Variants in PIK3C3 observed in about 807,000 individuals in gnomAD.
PIK3C3 encodes PI3-kinase type 3.
A neutral mutation model predicts 126.1 loss-of-function variants in PIK3C3; 95 were observed. That is an observed-to-expected ratio of 0.75 (90% CI 0.64 to 0.89). The LOEUF (loss-of-function observed/expected upper bound fraction) is 0.89, where lower values mean the gene tolerates loss of function less well. Ranked by LOEUF, PIK3C3 falls within the 40% of genes least tolerant of loss-of-function variation. PIK3C3 has a pLI of 0.00. For synonymous variants in PIK3C3, 374 were observed against 360.0 expected (o/e 1.04, Z -0.44); for missense variants, 829 against 1,063.2 (o/e 0.78, Z 3.06).
rs187888169 is a variant in PIK3C3, at chr18:42,030,864, A to G, written c.1707+1423A>G. Among the ~76,000 whole-genome samples, 4 of 152,202 alleles carry G rather than the reference A, an allele frequency of 2.6e-5. No individual in the cohort carries two copies. The East Asian group carries it at 7.7e-4, about 29-fold the overall frequency. On this transcript the variant is annotated intron_variant, in intron 15 of 24. Coordinates refer to ENST00000262039, the MANE Select transcript of PIK3C3 (RefSeq NM_002647.4). Reference sequence around the variant, plus strand: ...TTGTTTTAGTGCCAGGAGCTCTTCAATTTAGCAGGCACAGGAACCTTGGCA... The same window carrying G: ...TTGTTTTAGTGCCAGGAGCTCTTCAGTTTAGCAGGCACAGGAACCTTGGCA...
At chr18:42,057,368 T>C (rs1985117399) in intron 21 of PIK3C3, among the ~76,000 whole-genome samples, 1 of 152,146 alleles carries the variant, frequency 6.6e-6, no homozygotes, top group Non-Finnish European at 1.5e-5. Flanking sequence ...GGTGATATAT[T>C]ATTGTAACTA....
intron 12 of PIK3C3, 24 bp from the exon 13 acceptor site, chr18:42,020,614 A>G: frequency 2.0e-6 from 3 of 1,508,084 alleles, no homozygotes; most frequent in Non-Finnish European, 2.7e-6. Flanking sequence ...ATAATATATA[A>G]TACATTTCTT....
chr18:41,972,568 C>G (rs953110352), intron 4 of PIK3C3, among the ~76,000 whole-genome samples: 1 of 152,028 alleles, frequency 6.6e-6, no homozygotes, highest in Admixed American at 6.6e-5. Flanking sequence ...TTCTTTCATC[C>G]CTAATAGAAT....
chr18:41,994,373 C>CT lies in PIK3C3; in HGVS notation c.786+1033dup, dbSNP rs140979980. Among the ~76,000 whole-genome samples the CT allele has an allele frequency of 3.3e-3, 502 of 152,180 alleles. 4 individuals are homozygous for CT. Among genetic ancestry groups the CT allele is most frequent in the African/African-American group, 0.012 (478 of 41,528 alleles). Reference sequence around the variant, plus strand: ...ACACTTTTGATATTCAGAGCACACACTAAGTATGAAGAAATTCAGTTCAGC... The same window carrying CT: ...ACACTTTTGATATTCAGAGCACACACTTAAGTATGAAGAAATTCAGTTCAGC... On this transcript the variant is annotated intron_variant, in intron 7 of 24. Coordinates refer to ENST00000262039, the MANE Select transcript of PIK3C3 (RefSeq NM_002647.4).
Position 42,083,819 on chromosome 18 carries a change from G to GT in PIK3C3, c.*2684dup, listed in dbSNP as rs1010333768. On this transcript the variant is annotated 3_prime_UTR_variant, in exon 25 of 25. Coordinates refer to ENST00000262039, the MANE Select transcript of PIK3C3 (RefSeq NM_002647.4). ...GAGCAGAGTTGGGATTTGAAGTCGAGTTAGACCCCAGTGATCACAGTCTTG... is the reference window on the plus strand; with the variant it reads ...GAGCAGAGTTGGGATTTGAAGTCGAGTTTAGACCCCAGTGATCACAGTCTTG... 122 of 152,304 alleles carry GT rather than the reference G, an allele frequency of 8.0e-4. No individual in the cohort carries two copies. Among genetic ancestry groups the GT allele is most frequent in the African/African-American group, 2.6e-3 (108 of 41,544 alleles). 9.4% of individuals were successfully genotyped at this position (152,304 alleles called of 1,614,324 possible).
chr18:41,989,328 G>A (rs137949322), intron 5 of PIK3C3, among the ~76,000 whole-genome samples: 2 of 152,164 alleles, frequency 1.3e-5, no homozygotes, highest in African/African-American at 2.4e-5. Context: ...ACCTCCCAAC[G>A]TGCTAGGATT....
At chr18:41,961,969 A>G (rs1029417319) in intron 2 of PIK3C3, among the ~76,000 whole-genome samples, 1 of 152,214 alleles carries the variant, frequency 6.6e-6, no homozygotes. Flanking sequence ...AAATTCTCGC[A>G]TAAGAAGTCA....
intron 15 of PIK3C3, among the ~76,000 whole-genome samples, chr18:42,032,507 G>A (rs746275756): frequency 1.3e-5 from 2 of 152,068 alleles, no homozygotes; most frequent in Non-Finnish European, 2.9e-5. Flanking sequence ...CAATCAGGAG[G>A]CTATTGCAGT....
rs1984020883 is a variant in PIK3C3 at position 42,035,722 on chromosome 18, A to G, written c.1839+1765A>G. The stretch of plus-strand genomic sequence containing the variant: ...ATGAAAGTGATGGATTATGCACTTC[A>G]GAAAATTGCCCGTATGCTTACACAT... On this transcript the variant is annotated intron_variant, in intron 16 of 24. Transcript: ENST00000262039. 2.0e-5 allele frequency among the ~76,000 whole-genome samples: 3 copies of G among 152,198 alleles called. No individual in the cohort carries two copies. The South Asian group carries it at 6.2e-4, about 32-fold the overall frequency.
rs57593886 is a variant in PIK3C3 at position 42,029,534 on chromosome 18, A to ATTTT, written c.1707+118_1707+121dup. The ATTTT allele has an allele frequency of 1.4e-4, 30 of 212,720 alleles. 1 individual carries two copies. The highest frequency in any genetic ancestry group is 1.7e-4 in the Non-Finnish European group (19 of 110,728). 13.2% of individuals were successfully genotyped at this position (212,720 alleles called of 1,614,324 possible). A position where few individuals can be genotyped will look rare whatever the true frequency, so the allele number is the denominator to read the frequency against. On this transcript the variant is annotated intron_variant, in intron 15 of 24. Coordinates refer to ENST00000262039, the MANE Select transcript of PIK3C3 (RefSeq NM_002647.4). ...ATTGTCTTTTTGGGTTGATACGTGA[A>ATTTT]TTTTTTTTTTTTTTTTTTTTTTTTT...
At chr18:42,066,358 A>G (rs765384799) in intron 23 of PIK3C3, among the ~76,000 whole-genome samples, 1 of 152,152 alleles carries the variant, frequency 6.6e-6, no homozygotes, top group Non-Finnish European at 1.5e-5. Context: ...GCTTTCTAGT[A>G]GTGAAACCCT....
rs150530362 is a variant in PIK3C3 at position 42,058,613 on chromosome 18, C to T, written c.2432+562C>T. On this transcript the variant is annotated intron_variant, in intron 22 of 24. Coordinates refer to ENST00000262039, the MANE Select transcript of PIK3C3 (RefSeq NM_002647.4). ...GGTAAATGTTAAATATGATTTTTAT[C>T]TCTTTTTAACACCTCATCAGTCATT... Among the ~76,000 whole-genome samples the T allele has an allele frequency of 2.7e-3, 409 of 152,272 alleles. 1 individual carries two copies. Among genetic ancestry groups the T allele is most frequent in the Non-Finnish European group, 4.5e-3 (307 of 68,012 alleles).
At chr18:42,060,495 G>A (rs1985267413) in intron 22 of PIK3C3, among the ~76,000 whole-genome samples, 1 of 152,078 alleles carries the variant, frequency 6.6e-6, no homozygotes. Context: ...TACCAGCTGG[G>A]CACGGTGACT....
At chr18:41,958,242 A>G (rs1979893112) in intron 2 of PIK3C3, among the ~76,000 whole-genome samples, 1 of 152,206 alleles carries the variant, frequency 6.6e-6, no homozygotes, top group South Asian at 2.1e-4. Flanking sequence ...CATTAGCAAG[A>G]CCTTGTCAAG....
intron 2 of PIK3C3, among the ~76,000 whole-genome samples, chr18:41,959,376 C>T (rs756056828): frequency 2.4e-4 from 37 of 152,086 alleles, no homozygotes; most frequent in Non-Finnish European, 4.9e-4. Context: ...TAAAAACTTC[C>T]ATGTTTGATC....
intron 12 of PIK3C3, among the ~76,000 whole-genome samples, chr18:42,017,556 A>ATGG (rs1459564007): frequency 1.3e-5 from 2 of 152,094 alleles, no homozygotes; most frequent in African/African-American, 4.8e-5. Flanking sequence ...CCCCTGTATG[A>ATGG]TGGTAGAATT....
chr18:41,979,374 G>A (rs1034815842), intron 4 of PIK3C3, among the ~76,000 whole-genome samples: 7 of 152,084 alleles, frequency 4.6e-5, no homozygotes, highest in East Asian at 1.9e-4. Context: ...CATTTTTCCC[G>A]CTAGAGATGT....
At chr18:42,048,429 A>G (rs1232363638) in intron 20 of PIK3C3, among the ~76,000 whole-genome samples, 1 of 152,192 alleles carries the variant, frequency 6.6e-6, no homozygotes, top group Non-Finnish European at 1.5e-5. Context: ...ATATTTGCTT[A>G]CATTTCATTG....
rs867931105 is a variant in PIK3C3 at position 42,054,140 on chromosome 18, A to G, written c.2264-3743A>G. On this transcript the variant is annotated intron_variant, in intron 21 of 24. Coordinates refer to ENST00000262039, the MANE Select transcript of PIK3C3 (RefSeq NM_002647.4). ...CAGAACTAATGGTATATATATATAT[A>G]TATATATATATATATATATATATAT... 6.6e-4 allele frequency among the ~76,000 whole-genome samples: 11 copies of G among 16,618 alleles called. 1 individual carries two copies. Among genetic ancestry groups the G allele is most frequent in the East Asian group, 5.7e-3 (3 of 524 alleles). The allele number at this position is 16,618 out of a possible 152,430, so 10.9% of individuals were successfully genotyped here.
Sources: gnomAD v4.1 joint callset for allele counts (sites outside exome capture counted in the v4.1 genomes callset) on GRCh38, gnomAD v4.1.1 for gene constraint, MANE v1.5 for transcripts, NCBI Gene and HGNC (gene_info 2026-07-23, HGNC 2026-07-21) for gene names.